The following SLC44A5 variants were observed in gnomAD, a reference collection of about 807,000 sequenced individuals.
SLC44A5 encodes choline transporter-like protein 5.
SLC44A5 carries 57 observed loss-of-function variants against 101.8 expected under a neutral mutation model. The ratio of observed to expected loss-of-function variants is 0.56; its 90% confidence interval spans 0.45 to 0.70. SLC44A5 has a LOEUF of 0.70. Ranked by LOEUF, SLC44A5 falls within the 30% of genes least tolerant of loss-of-function variation. The pLI is 0.00. For missense variants in SLC44A5, 737 were observed against 853.1 expected, an observed-to-expected ratio of 0.86 and a Z score of 1.70; for synonymous variants, 281 against 290.9, an observed-to-expected ratio of 0.97 and a Z score of 0.35.
chr1:75,212,110 A>G (rs898049969), intron 22 of SLC44A5, among the ~76,000 whole-genome samples: 1 of 152,020 alleles, frequency 6.6e-6, no homozygotes, highest in African/African-American at 2.4e-5. Context: ...TTTGCCAATG[A>G]TATTTTGTGT....
the SLC44A5 span, among the ~76,000 whole-genome samples, chr1:75,683,890 A>C: frequency 6.6e-6 from 1 of 152,210 alleles, no homozygotes; most frequent in Non-Finnish European, 1.5e-5. Context: ...TTCCATGCAA[A>C]CAGAAAACAA....
chr1:75,375,868 AG>A (rs1357681123), intron 3 of SLC44A5, among the ~76,000 whole-genome samples: 1 of 152,228 alleles, frequency 6.6e-6, no homozygotes, highest in Non-Finnish European at 1.5e-5. Flanking sequence ...TCCTGTCTAC[AG>A]CTCCCAGCGT....
rs1660874704 is a variant in SLC44A5, at chr1:75,380,629, A to G, written c.52+15954T>C. 2.4e-5 allele frequency among the ~76,000 whole-genome samples: 2 copies of G among 82,758 alleles called. 1 individual carries two copies. The highest frequency in any genetic ancestry group is 7.2e-4 in the South Asian group (2 of 2,766). The allele number at this position is 82,758 out of a possible 152,430, so 54.3% of individuals were successfully genotyped here. A position where few individuals can be genotyped will look rare whatever the true frequency, so the allele number is the denominator to read the frequency against. ...AGATAATAAAAATAAGACATGGGAA[A>G]TAGGTAAGGTGATAACGTGGGGGAG... On this transcript the variant is annotated intron_variant, in intron 3 of 23. Coordinates refer to ENST00000370859, the MANE Select transcript of SLC44A5 (RefSeq NM_001130058.2).
chr1:75,565,441 A>C (rs570133030), intron 1 of SLC44A5, among the ~76,000 whole-genome samples: 15 of 152,360 alleles, frequency 9.8e-5, no homozygotes, highest in African/African-American at 3.6e-4. Context: ...GCAGTTAATT[A>C]TGGCCAATGC....
At chr1:75,627,523 T>A in the SLC44A5 span, among the ~76,000 whole-genome samples, 93 of 151,432 alleles carry the variant, frequency 6.1e-4, no homozygotes, top group Middle Eastern at 3.4e-3. Flanking sequence ...TACAAAAAAA[T>A]TTTTTTTTAA....
the SLC44A5 span, among the ~76,000 whole-genome samples, chr1:75,681,138 A>C: frequency 6.6e-6 from 1 of 152,262 alleles, no homozygotes; most frequent in South Asian, 2.1e-4. Context: ...CCAACCAAAA[A>C]GAGTCCAGGA....
chr1:75,677,809 G>A, the SLC44A5 span: 20 of 406,702 alleles, frequency 4.9e-5, no homozygotes, highest in South Asian at 1.9e-4. Flanking sequence ...CAGCCTGAGC[G>A]ACGCAGAAGA....
intron 6 of SLC44A5, among the ~76,000 whole-genome samples, chr1:75,265,741 T>A (rs1650930855): frequency 6.6e-6 from 1 of 152,200 alleles, no homozygotes; most frequent in Non-Finnish European, 1.5e-5. Context: ...AGAAGAGCAT[T>A]GTCCTCTTAA....
rs545077128 is a variant in SLC44A5, at chr1:75,348,748, A to G, written c.53-9118T>C. On this transcript the variant is annotated intron_variant, in intron 3 of 23. Coordinates refer to ENST00000370859, the MANE Select transcript of SLC44A5 (RefSeq NM_001130058.2). ...CTAGATCATTAGCAAACAGAAATAGATATATGAAGTCTTCAGATATTTAAA... is the reference window on the plus strand; with the variant it reads ...CTAGATCATTAGCAAACAGAAATAGGTATATGAAGTCTTCAGATATTTAAA... 2.6e-5 allele frequency among the ~76,000 whole-genome samples: 4 copies of G among 152,364 alleles called. No homozygotes were observed. The South Asian group carries it at 6.2e-4, about 24-fold the overall frequency.
the SLC44A5 span, among the ~76,000 whole-genome samples, chr1:75,635,727 C>A: frequency 1.3e-5 from 2 of 151,200 alleles, no homozygotes; most frequent in Non-Finnish European, 2.9e-5. Context: ...TTAATGGGTG[C>A]ATCACACCAG....
the SLC44A5 span, among the ~76,000 whole-genome samples, chr1:75,646,352 T>C: frequency 6.6e-6 from 1 of 151,870 alleles, no homozygotes; most frequent in South Asian, 2.1e-4. Flanking sequence ...CTTCACATCC[T>C]TTGTAAGTTG....
chr1:75,270,990 C>T (rs1023720421), intron 6 of SLC44A5, among the ~76,000 whole-genome samples: 2 of 152,062 alleles, frequency 1.3e-5, no homozygotes, highest in South Asian at 4.1e-4. Flanking sequence ...GTTTCTTTTA[C>T]CACTTGGTGC....
chr1:75,306,165 T>C (rs1292443783), intron 4 of SLC44A5, among the ~76,000 whole-genome samples: 1 of 152,236 alleles, frequency 6.6e-6, no homozygotes, highest in Non-Finnish European at 1.5e-5. Context: ...CTAAGGCTAC[T>C]TTCTTTTGCT....
chr1:75,307,654 C>T (rs918035379), intron 4 of SLC44A5, among the ~76,000 whole-genome samples: 2 of 152,188 alleles, frequency 1.3e-5, no homozygotes, highest in African/African-American at 4.8e-5. Context: ...TTGAGAGGGA[C>T]ATCCTCTAAG....
the SLC44A5 span, among the ~76,000 whole-genome samples, chr1:75,684,643 C>T: frequency 6.6e-6 from 1 of 152,200 alleles, no homozygotes; most frequent in Non-Finnish European, 1.5e-5. Context: ...TCCTTTAACT[C>T]CATGTCTCAC....
chr1:75,368,643 G>GCGCA (rs375756254), intron 3 of SLC44A5, among the ~76,000 whole-genome samples: 1 of 144,012 alleles, frequency 6.9e-6, no homozygotes, highest in African/African-American at 2.6e-5. Context: ...AAATGTGCAT[G>GCGCA]CACACACACA....
At chr1:75,644,240 G>A in the SLC44A5 span, among the ~76,000 whole-genome samples, 2 of 152,268 alleles carry the variant, frequency 1.3e-5, no homozygotes, top group African/African-American at 2.4e-5. Context: ...AATAAGGCAA[G>A]TGTATTTTGA....
the SLC44A5 span, among the ~76,000 whole-genome samples, chr1:75,645,971 G>A: frequency 4.5e-5 from 6 of 133,582 alleles, 1 homozygote; most frequent in South Asian, 6.5e-4. Context: ...TGAGGACTCC[G>A]TTCTGTTCCA....
chr1:75,696,560 T>C, the SLC44A5 span, among the ~76,000 whole-genome samples: 204 of 152,208 alleles, frequency 1.3e-3, no homozygotes, highest in African/African-American at 4.7e-3. Flanking sequence ...AACAATACAG[T>C]CAGCCAAGAG....
Sources: allele counts gnomAD v4.1 joint callset (sites outside exome capture counted in the v4.1 genomes callset), GRCh38; gene constraint gnomAD v4.1.1; transcripts MANE v1.5; gene names NCBI Gene and HGNC (gene_info 2026-07-23, HGNC 2026-07-21).